The following TAF4B variants were observed in gnomAD, a reference collection of about 807,000 sequenced individuals.
The protein encoded by TAF4B is TATA-box binding protein associated factor 4b.
Under a neutral mutation model 86.4 loss-of-function variants are expected in TAF4B, and 38 were observed. That is an observed-to-expected ratio of 0.44 (90% CI 0.34 to 0.58). TAF4B has a LOEUF of 0.58. Among genes scored for constraint, TAF4B ranks in the 20% least tolerant of loss-of-function variants. The pLI, the probability that TAF4B is intolerant of heterozygous loss-of-function variation, is 0.02. For missense variants in TAF4B, 988 were observed against 1,027.6 expected (o/e 0.96, Z 0.53); for synonymous variants, 388 against 391.2 (o/e 0.99, Z 0.10).
chr18:26,342,768 A>T (rs1017081096), intron 13 of TAF4B, among the ~76,000 whole-genome samples: 6 of 152,218 alleles, frequency 3.9e-5, no homozygotes, highest in African/African-American at 1.4e-4. Flanking sequence ...AGAGAAATGA[A>T]GGCTTCTGCC....
At chr18:26,291,436 T>C (rs1245566908) in intron 7 of TAF4B, among the ~76,000 whole-genome samples, 2 of 152,014 alleles carry the variant, frequency 1.3e-5, no homozygotes, top group African/African-American at 4.8e-5. Flanking sequence ...GGATTACGGC[T>C]GGGATTACAC....
intron 1 of TAF4B, among the ~76,000 whole-genome samples, chr18:26,237,318 G>A (rs2055763792): frequency 1.3e-5 from 2 of 152,168 alleles, no homozygotes; most frequent in Admixed American, 6.5e-5. Flanking sequence ...GAGGTTGAAG[G>A]TTTGCCCTAG....
intron 10 of TAF4B, among the ~76,000 whole-genome samples, chr18:26,319,576 A>G (rs1296907625): frequency 1.9e-5 from 2 of 104,886 alleles, no homozygotes; most frequent in African/African-American, 6.8e-5. Flanking sequence ...GTTTATGCTG[A>G]GGGTTTTAGT....
intron 9 of TAF4B, among the ~76,000 whole-genome samples, chr18:26,304,250 A>T (rs1196600349): frequency 6.6e-6 from 1 of 151,032 alleles, no homozygotes; most frequent in Admixed American, 6.6e-5. Flanking sequence ...ATTTAAAGAT[A>T]AACATGCAAG....
chr18:26,276,279 C>A (rs1045059561), intron 5 of TAF4B, among the ~76,000 whole-genome samples: 1 of 151,978 alleles, frequency 6.6e-6, no homozygotes, highest in Non-Finnish European at 1.5e-5. Flanking sequence ...AATTATATGC[C>A]TTTGGTTTCT....
At chr18:26,359,596 ACTGTAGCTTGACCAATTTCTCTCATAC>A (rs1462221076) in intron 14 of TAF4B, among the ~76,000 whole-genome samples, 16 of 152,262 alleles carry the variant, frequency 1.1e-4, no homozygotes, top group Non-Finnish European at 7.4e-5. Flanking sequence ...GAAATGGTTG[ACTGTAGCTTGACCAATTTCTCTCATAC>A]TATTCAACTT....
chr18:26,371,745 A>C (rs1188073906), intron 14 of TAF4B, among the ~76,000 whole-genome samples: 1 of 152,158 alleles, frequency 6.6e-6, no homozygotes, highest in African/African-American at 2.4e-5. Flanking sequence ...TGATCTCAGT[A>C]AATGATTATA....
At chr18:26,287,415 T>TG (rs1324466568) in intron 7 of TAF4B, among the ~76,000 whole-genome samples, 2 of 152,126 alleles carry the variant, frequency 1.3e-5, no homozygotes, top group African/African-American at 4.8e-5. Context: ...GATTGTTGTG[T>TG]TTTTTTGCTA....
At chr18:26,280,694 G>C (rs566878775) in intron 5 of TAF4B, among the ~76,000 whole-genome samples, 11 of 152,330 alleles carry the variant, frequency 7.2e-5, no homozygotes, top group African/African-American at 2.4e-4. Context: ...CTTATACGCT[G>C]TTGGTGGGAA....
intron 1 of TAF4B, among the ~76,000 whole-genome samples, chr18:26,245,594 ACTGATTGGTGCATTTTACAAAACG>A (rs1430447170): frequency 6.6e-6 from 1 of 152,034 alleles, no homozygotes; most frequent in African/African-American, 2.4e-5. Context: ...TTTACAGAGC[ACTGATTGGTGCATTTTACAAAACG>A]CTGATTGGTG....
At chr18:26,300,064 T>C (rs1318165160) in intron 9 of TAF4B, among the ~76,000 whole-genome samples, 1 of 152,054 alleles carries the variant, frequency 6.6e-6, no homozygotes, top group African/African-American at 2.4e-5. Flanking sequence ...GCAGTGGCAC[T>C]TCAAACTCCT....
At chr18:26,285,762 A>G (rs961605372) in intron 6 of TAF4B, 120 bp from the exon 7 acceptor site, 50 of 1,241,672 alleles carry the variant, frequency 4.0e-5, no homozygotes, top group South Asian at 2.8e-4. Context: ...GCTGTCTTCA[A>G]CTGAAATACT....
intron 1 of TAF4B, among the ~76,000 whole-genome samples, chr18:26,254,262 T>C (rs1163243605): frequency 6.6e-6 from 1 of 152,164 alleles, no homozygotes; most frequent in Non-Finnish European, 1.5e-5. Context: ...GTCTTTCCTT[T>C]GTTCTTAGTC....
chr18:26,246,397 A>G (rs567452511), intron 1 of TAF4B, among the ~76,000 whole-genome samples: 28 of 152,296 alleles, frequency 1.8e-4, no homozygotes, highest in Non-Finnish European at 3.4e-4. Flanking sequence ...GTAGATAATA[A>G]TGGGCTTGTA....
rs909288695 is a variant in TAF4B at position 26,390,749 on chromosome 18, G to T, written c.*737G>T. On this transcript the variant is annotated 3_prime_UTR_variant, in exon 15 of 15. Coordinates refer to ENST00000269142, the MANE Select transcript of TAF4B (RefSeq NM_005640.3). ...GTTAGGGCGTTGCTTTCAAACTGAT[G>T]AGGGGAATGTGAAAATGGTATCATA... The T allele has an allele frequency of 6.6e-6, 1 of 152,134 alleles. No individual in the cohort carries two copies. The highest frequency in any genetic ancestry group is 6.5e-5 in the Admixed American group (1 of 15,278). The allele number at this position is 152,134 out of a possible 1,614,324, so 9.4% of individuals were successfully genotyped here.
Position 26,346,865 on chromosome 18 carries a change from ATATATATATGTG to A in TAF4B, c.2317-10815_2317-10804del, listed in dbSNP as rs1307640037. 3.6e-4 allele frequency among the ~76,000 whole-genome samples: 3 copies of A among 8,390 alleles called. 1 individual carries two copies. The highest frequency in any genetic ancestry group is 1.1e-3 in the African/African-American group (3 of 2,790). The allele number at this position is 8,390 out of a possible 152,430, so 5.5% of individuals were successfully genotyped here. On this transcript the variant is annotated intron_variant, in intron 13 of 14. Coordinates refer to ENST00000269142, the MANE Select transcript of TAF4B (RefSeq NM_005640.3). ...TGTGTGTATATATATATATGTGTAT[ATATATATATGTG>A]TATATATATATATATATATATATGT...
intron 1 of TAF4B, among the ~76,000 whole-genome samples, chr18:26,253,605 TC>T (rs1176878162): frequency 6.6e-6 from 1 of 152,186 alleles, no homozygotes; most frequent in Non-Finnish European, 1.5e-5. Context: ...TGGGACGTGT[TC>T]CCTGCTTTTT....
chr18:26,294,271 T>A (rs1040658240), intron 9 of TAF4B, among the ~76,000 whole-genome samples: 4 of 152,128 alleles, frequency 2.6e-5, no homozygotes, highest in Non-Finnish European at 5.9e-5. Context: ...TCCAACTTTG[T>A]GAGCAATTGG....
chr18:26,256,182 A>T (rs977283836), intron 1 of TAF4B: 3 of 1,610,926 alleles, frequency 1.9e-6, no homozygotes, highest in Non-Finnish European at 2.5e-6. Context: ...TCTTTTCACA[A>T]GCAGGACACA....
Sources: gnomAD v4.1 joint callset for allele counts (sites outside exome capture counted in the v4.1 genomes callset) on GRCh38, gnomAD v4.1.1 for gene constraint, MANE v1.5 for transcripts, NCBI Gene and HGNC (gene_info 2026-07-23, HGNC 2026-07-21) for gene names.